CDH9: variants seen among roughly 807,000 people sequenced by gnomAD.
CDH9 encodes the protein cadherin 9, also known as cadherin-9.
Under a neutral mutation model 70.9 loss-of-function variants are expected in CDH9, and 28 were observed. The ratio of observed to expected loss-of-function variants is 0.40; its 90% CI spans 0.29 to 0.54. The LOEUF (loss-of-function observed/expected upper bound fraction) is 0.54, where lower values mean the gene tolerates loss of function less well. Among genes scored for constraint, CDH9 ranks in the 20% least tolerant of loss-of-function variants. The pLI, the probability that CDH9 is intolerant of heterozygous loss-of-function variation, is 0.59. For missense variants in CDH9, 874 were observed against 984.4 expected, an observed-to-expected ratio of 0.89 and a Z score of 1.50; for synonymous variants, 409 against 343.1, an observed-to-expected ratio of 1.19 and a Z score of -2.12.
At chr5:26,932,745 A>C (rs1645232630) in intron 2 of CDH9, among the ~76,000 whole-genome samples, 1 of 151,962 alleles carries the variant, frequency 6.6e-6, no homozygotes, top group African/African-American at 2.4e-5. Context: ...TTCACATTTA[A>C]ATAAATTATT....
At chr5:26,996,543 C>A (rs1742668683) in intron 1 of CDH9, among the ~76,000 whole-genome samples, 1 of 151,856 alleles carries the variant, frequency 6.6e-6, no homozygotes, top group Non-Finnish European at 1.5e-5. Flanking sequence ...ATATAAAGAA[C>A]ACATTCTATA....
At chr5:26,974,010 C>T (rs188454888) in intron 2 of CDH9, among the ~76,000 whole-genome samples, 1 of 152,174 alleles carries the variant, frequency 6.6e-6, no homozygotes, top group East Asian at 1.9e-4. Flanking sequence ...TTTGGGAGGC[C>T]AAGGCAGGCA....
At chr5:26,991,059 T>C (rs1742572048) in intron 1 of CDH9, among the ~76,000 whole-genome samples, 1 of 152,202 alleles carries the variant, frequency 6.6e-6, no homozygotes. Context: ...TTTAACATTA[T>C]ATGTTTAGAA....
chr5:27,002,090 C>T (rs182297779), intron 1 of CDH9, among the ~76,000 whole-genome samples: 2 of 152,062 alleles, frequency 1.3e-5, no homozygotes, highest in Non-Finnish European at 2.9e-5. Context: ...AAACAAACAA[C>T]CCCATCAAAA....
chr5:26,980,171 T>C (rs1742376275), intron 2 of CDH9, among the ~76,000 whole-genome samples: 1 of 151,900 alleles, frequency 6.6e-6, no homozygotes, highest in East Asian at 1.9e-4. Flanking sequence ...GAAACATTTG[T>C]TATTGGAAAA....
At chr5:27,023,937 A>G (rs928137328) in intron 1 of CDH9, among the ~76,000 whole-genome samples, 3 of 151,804 alleles carry the variant, frequency 2.0e-5, no homozygotes, top group South Asian at 2.1e-4. Context: ...CTGCAATTGC[A>G]TCTACTCGGG....
chr5:26,944,242 CTT>C (rs34068474), intron 2 of CDH9, among the ~76,000 whole-genome samples: 64 of 148,882 alleles, frequency 4.3e-4, no homozygotes, highest in East Asian at 3.7e-3. Context: ...CATTTCCTAT[CTT>C]TTTTTTTTTA....
intron 2 of CDH9, among the ~76,000 whole-genome samples, chr5:26,949,331 T>C (rs1741806250): frequency 6.6e-6 from 1 of 152,110 alleles, no homozygotes; most frequent in South Asian, 2.1e-4. Context: ...TTGTGGGCGA[T>C]TGATATAGCT....
At chr5:27,007,186 T>C (rs1460773652) in intron 1 of CDH9, among the ~76,000 whole-genome samples, 2 of 152,122 alleles carry the variant, frequency 1.3e-5, no homozygotes, top group Non-Finnish European at 2.9e-5. Flanking sequence ...AAAGTACTTT[T>C]CATTTGAGAA....
At position 26,963,996 on chromosome 5, in the gene CDH9, A is replaced by G. The variant is rs552929141; in HGVS notation, c.228+24110T>C. 2.2e-4 allele frequency among the ~76,000 whole-genome samples: 34 copies of G among 152,280 alleles called. 1 individual carries two copies. The East Asian group carries it at 3.5e-3, about 16-fold the overall frequency. On this transcript the variant is annotated intron_variant, in intron 2 of 11. Coordinates refer to ENST00000231021, the MANE Select transcript of CDH9 (RefSeq NM_016279.4). Reference sequence around the variant, plus strand: ...TATATGTGAGGTCCAAGGCAGATTTAACATTAACCTTTTCCATAAAATAAA... The same window carrying G: ...TATATGTGAGGTCCAAGGCAGATTTGACATTAACCTTTTCCATAAAATAAA...
chr5:27,003,305 T>C (rs1277410196), intron 1 of CDH9, among the ~76,000 whole-genome samples: 1 of 152,162 alleles, frequency 6.6e-6, no homozygotes, highest in Non-Finnish European at 1.5e-5. Flanking sequence ...GGCAAGGAGA[T>C]AATTTCTCTT....
At chr5:27,017,458 G>A (rs1388650811) in intron 1 of CDH9, among the ~76,000 whole-genome samples, 1 of 151,756 alleles carries the variant, frequency 6.6e-6, no homozygotes, top group East Asian at 1.9e-4. Context: ...CAAGCTAAAC[G>A]CTCTGCAAAG....
At chr5:26,977,565 G>A (rs1353125804) in intron 2 of CDH9, among the ~76,000 whole-genome samples, 1 of 150,794 alleles carries the variant, frequency 6.6e-6, no homozygotes, top group Non-Finnish European at 1.5e-5. Flanking sequence ...AGCAAATAGA[G>A]GATAAAAAGA....
intron 1 of CDH9, among the ~76,000 whole-genome samples, chr5:26,998,709 A>T (rs1306127122): frequency 6.6e-6 from 1 of 152,048 alleles, no homozygotes; most frequent in Non-Finnish European, 1.5e-5. Flanking sequence ...GTGCACATGT[A>T]CCCTAAAACT....
At chr5:26,903,263 AG>A (rs1235380867) in intron 6 of CDH9, 1 of 325,322 alleles carries the variant, frequency 3.1e-6, no homozygotes, top group East Asian at 9.4e-5. Context: ...GAAAACACAA[AG>A]CATCTTCAGG....
At chr5:26,935,778 C>T (rs571421747) in intron 2 of CDH9, among the ~76,000 whole-genome samples, 47 of 152,252 alleles carry the variant, frequency 3.1e-4, no homozygotes, top group Middle Eastern at 3.4e-3. Context: ...AAAAAGAAGT[C>T]ATTATATGAA....
At chr5:26,913,634 T>A (rs540389701) in intron 3 of CDH9, among the ~76,000 whole-genome samples, 37 of 152,112 alleles carry the variant, frequency 2.4e-4, no homozygotes, top group Non-Finnish European at 5.0e-4. Context: ...ATAGATTGCC[T>A]TACAGAAAGA....
intron 2 of CDH9, among the ~76,000 whole-genome samples, chr5:26,925,831 G>A (rs1195696029): frequency 1.3e-5 from 2 of 151,784 alleles, no homozygotes; most frequent in African/African-American, 4.8e-5. Flanking sequence ...TCCTGTTTTT[G>A]TCAGGTTTGT....
At chr5:26,977,491 A>ATATATATATATATATATGTG (rs1742323461) in intron 2 of CDH9, among the ~76,000 whole-genome samples, 1 of 141,786 alleles carries the variant, frequency 7.1e-6, no homozygotes, top group African/African-American at 3.1e-5. Flanking sequence ...GTGTGTATAT[A>ATATATATATATATATATGTG]TATATATATA....
Sources: allele counts gnomAD v4.1 joint callset (sites outside exome capture counted in the v4.1 genomes callset), GRCh38; gene constraint gnomAD v4.1.1; transcripts MANE v1.5; gene names NCBI Gene and HGNC (gene_info 2026-07-23, HGNC 2026-07-21).